RPS6KA2: variants seen among roughly 807,000 people sequenced by gnomAD.
The protein encoded by RPS6KA2 is ribosomal protein S6 kinase A2.
In RPS6KA2, 42 loss-of-function variants were observed where a neutral mutation model predicts 91.8. The ratio of observed to expected loss-of-function variants is 0.46; its 90% CI spans 0.36 to 0.59. The LOEUF (loss-of-function observed/expected upper bound fraction) is 0.59, where lower values mean the gene tolerates loss of function less well. Ranked by LOEUF, RPS6KA2 falls within the 20% of genes least tolerant of loss-of-function variation. RPS6KA2 has a pLI of 0.00. For synonymous variants in RPS6KA2, 414 were observed against 393.6 expected, an observed-to-expected ratio of 1.05 and a Z score of -0.61; for missense variants, 798 against 978.5, an observed-to-expected ratio of 0.82 and a Z score of 2.46.
At chr6:166,837,283 T>G (rs1043816774) in intron 2 of RPS6KA2, among the ~76,000 whole-genome samples, 3 of 151,292 alleles carry the variant, frequency 2.0e-5, no homozygotes, top group Admixed American at 2.0e-4. Context: ...TTCCCCGGGG[T>G]GGAAGGCTCG....
chr6:166,627,069 C>G lies in RPS6KA2; in HGVS notation c.-50G>C. On this transcript the variant is annotated 5_prime_UTR_variant, in exon 1 of 21. Transcript: ENST00000265678. The stretch of plus-strand genomic sequence containing the variant: ...CCGCAGGGCCGGGGGACGCGCATCC[C>G]CGGCATCCCAGGCGCGGGGCTCAGG... 2 of 1,318,556 alleles carry G rather than the reference C, an allele frequency of 1.5e-6. No homozygotes were observed. The highest frequency in any genetic ancestry group is 1.5e-5 in the African/African-American group (1 of 65,588). 81.7% of individuals were successfully genotyped at this position (1,318,556 alleles called of 1,614,324 possible).
chr6:166,772,119 A>G (rs538674642), intron 2 of RPS6KA2, among the ~76,000 whole-genome samples: 4 of 146,820 alleles, frequency 2.7e-5, no homozygotes, highest in African/African-American at 1.1e-4. Flanking sequence ...ACCTGTTTGT[A>G]TTGTACTGGG....
At chr6:166,840,646 C>T (rs1780446897) in intron 2 of RPS6KA2, among the ~76,000 whole-genome samples, 1 of 152,208 alleles carries the variant, frequency 6.6e-6, no homozygotes, top group Non-Finnish European at 1.5e-5. Context: ...TAACTAATCA[C>T]TAACCTTGAA....
chr6:166,822,501 C>T (rs1056378157), intron 2 of RPS6KA2, among the ~76,000 whole-genome samples: 9 of 152,148 alleles, frequency 5.9e-5, no homozygotes, highest in African/African-American at 9.7e-5. Context: ...TTCCAGCCTC[C>T]GGAGCTACAA....
At chr6:166,740,921 G>A (rs1214291031) in intron 2 of RPS6KA2, among the ~76,000 whole-genome samples, 1 of 152,240 alleles carries the variant, frequency 6.6e-6, no homozygotes, top group African/African-American at 2.4e-5. Context: ...TGCCCCCTCT[G>A]TTAACAGAAC....
chr6:166,734,268 C>T lies in RPS6KA2; in HGVS notation c.123+123932G>A, dbSNP rs1406027761. 2.0e-5 allele frequency among the ~76,000 whole-genome samples: 3 copies of T among 152,282 alleles called. No individual in the cohort carries two copies. The South Asian group carries it at 6.2e-4, about 32-fold the overall frequency. ...TAGCAGAACCCGAGCACTCTTGCCTCGTATACCTGTTTCTCTCCTTAGCAG... is the reference window on the plus strand; with the variant it reads ...TAGCAGAACCCGAGCACTCTTGCCTTGTATACCTGTTTCTCTCCTTAGCAG... On this transcript the variant is annotated intron_variant, in intron 2 of 21. Coordinates refer to the RPS6KA2 transcript ENST00000503859.
chr6:166,797,220 C>G (rs12193407), intron 2 of RPS6KA2, among the ~76,000 whole-genome samples: 21,908 of 152,216 alleles, frequency 0.14, 2,036 homozygotes, highest in Middle Eastern at 0.21. Flanking sequence ...CACATCCGTG[C>G]TGGGGACATT....
chr6:166,619,371 AGTT>A (rs1786541108), intron 1 of RPS6KA2, among the ~76,000 whole-genome samples: 1 of 152,254 alleles, frequency 6.6e-6, no homozygotes, highest in Admixed American at 6.5e-5. Context: ...CTCTTTTGAA[AGTT>A]GTTTTGTTTG....
chr6:166,687,896 G>A lies in RPS6KA2; in HGVS notation c.124-149112C>T, dbSNP rs117944135. ...TCTAAGCCCCCTGCGGTAGGAGTGA[G>A]ACCTGGAAGATATGGGCAATGAGAC... On this transcript the variant is annotated intron_variant, in intron 2 of 21. Coordinates refer to the RPS6KA2 transcript ENST00000503859. 7.5e-3 allele frequency among the ~76,000 whole-genome samples: 1,140 copies of A among 152,300 alleles called. 14 individuals carry two copies. Among genetic ancestry groups the A allele is most frequent in the South Asian group, 0.027 (130 of 4,822 alleles).
intron 2 of RPS6KA2, among the ~76,000 whole-genome samples, chr6:166,851,392 A>G (rs987192690): frequency 4.6e-5 from 7 of 152,228 alleles, no homozygotes; most frequent in Non-Finnish European, 7.3e-5. Context: ...ACCTCAACGC[A>G]GAAGGTGATT....
At chr6:166,723,749 G>A (rs113345172) in intron 2 of RPS6KA2, among the ~76,000 whole-genome samples, 17 of 143,632 alleles carry the variant, frequency 1.2e-4, no homozygotes, top group African/African-American at 4.1e-4. Context: ...CGCCCAGGCT[G>A]GAGTGCAATG....
At chr6:166,630,102 A>G (rs1401795484), upstream of RPS6KA2, among the ~76,000 whole-genome samples, 1 of 152,222 alleles carries the variant, frequency 6.6e-6, no homozygotes, top group Non-Finnish European at 1.5e-5. Context: ...AGATGAGGGA[A>G]TAAGTTTCCT....
chr6:166,497,655 G>A (rs146365149), intron 8 of RPS6KA2, among the ~76,000 whole-genome samples: 148 of 152,360 alleles, frequency 9.7e-4, no homozygotes, highest in Middle Eastern at 3.4e-3. Context: ...AGGCGACACC[G>A]CAGGACTCAG....
intron 2 of RPS6KA2, among the ~76,000 whole-genome samples, chr6:166,664,606 T>G (rs1350345016): frequency 6.6e-6 from 1 of 152,244 alleles, no homozygotes; most frequent in East Asian, 1.9e-4. Flanking sequence ...GAATAGAGAT[T>G]GCAAAGCTCA....
intron 2 of RPS6KA2, among the ~76,000 whole-genome samples, chr6:166,813,040 A>G (rs2072635): frequency 0.66 from 100,711 of 151,844 alleles, 33,968 homozygotes; most frequent in Non-Finnish European, 0.74. Flanking sequence ...ACGCACCTCC[A>G]TGTCTCTTGA....
chr6:166,698,253 G>A (rs1393403330), intron 2 of RPS6KA2, among the ~76,000 whole-genome samples: 1 of 152,208 alleles, frequency 6.6e-6, no homozygotes, highest in Non-Finnish European at 1.5e-5. Context: ...ATCACCAGAA[G>A]GGAAGAAGAG....
intron 2 of RPS6KA2, among the ~76,000 whole-genome samples, chr6:166,711,066 A>G (rs1034276952): frequency 2.0e-5 from 3 of 151,550 alleles, no homozygotes; most frequent in Admixed American, 6.6e-5. Flanking sequence ...GTGCCCCAAC[A>G]TCCCCCCAGG....
rs1203488339 is a variant in RPS6KA2 at position 166,434,722 on chromosome 6, C to T, written c.1333-2232G>A. On this transcript the variant is annotated intron_variant, in intron 14 of 20. Transcript: ENST00000265678. This position sits in a 1 kb window ranked among gnomAD's most constrained non-coding sequence, Gnocchi z 4.4. ...TAGCATGAATCTGTTTTATCACTCT[C>T]ACAGTGGAACAAGATGCAGAGTAAA... 6.6e-6 allele frequency among the ~76,000 whole-genome samples: 1 copy of T among 152,232 alleles called. No homozygotes were observed. The highest frequency in any genetic ancestry group is 1.5e-5 in the Non-Finnish European group (1 of 68,042).
rs538905027 is a variant in RPS6KA2, at chr6:166,418,411, A to T, written c.1821-69T>A. 2 of 1,152,558 alleles carry T rather than the reference A, an allele frequency of 1.7e-6. No homozygotes were observed. The highest frequency in any genetic ancestry group is 3.0e-5 in the African/African-American group (2 of 65,738). 71.4% of individuals were successfully genotyped at this position (1,152,558 alleles called of 1,614,324 possible). On this transcript the variant is annotated intron_variant, in intron 18 of 20. Transcript: ENST00000265678. This position sits in a 1 kb window ranked among gnomAD's most constrained non-coding sequence, Gnocchi z 4.9. ...AACCTAAAATAAAGTTTGCAAGTTG[A>T]TATCACCCCTTGGCTGTTCAAAGGA... is the stretch of plus-strand genomic sequence containing the variant.
Sources: gnomAD v4.1 joint callset for allele counts (sites outside exome capture counted in the v4.1 genomes callset) on GRCh38, gnomAD v4.1.1 for gene constraint, Gnocchi (gnomAD v3.1) non-coding constraint, MANE v1.5 for transcripts, NCBI Gene and HGNC (gene_info 2026-07-23, HGNC 2026-07-21) for gene names.